ARHGEF38: variants seen among roughly 807,000 people sequenced by gnomAD.
The protein encoded by ARHGEF38 is Rho guanine nucleotide exchange factor (GEF) 38.
A neutral mutation model predicts 79.9 loss-of-function variants in ARHGEF38; 79 were observed. The observed-to-expected ratio is 0.99, with a 90% CI of 0.82 to 1.19. The LOEUF (loss-of-function observed/expected upper bound fraction) is 1.19, where lower values mean the gene tolerates loss of function less well. ARHGEF38 is among the 50% of genes most tolerant of loss of function. ARHGEF38 has a pLI of 0.00. For synonymous variants in ARHGEF38, 366 were observed against 328.3 expected (o/e 1.11, Z -1.24); for missense variants, 962 against 907.2 (o/e 1.06, Z -0.78).
intron 1 of ARHGEF38, among the ~76,000 whole-genome samples, chr4:105,561,899 T>C (rs1017204849): frequency 6.6e-6 from 1 of 151,178 alleles, no homozygotes; most frequent in Non-Finnish European, 1.5e-5. Flanking sequence ...AGTAAAAGAG[T>C]TTAGGGTTGG....
At chr4:105,645,730 G>A (rs967327079) in intron 6 of ARHGEF38, among the ~76,000 whole-genome samples, 7 of 152,172 alleles carry the variant, frequency 4.6e-5, no homozygotes, top group African/African-American at 1.2e-4. Context: ...AAATGGCCAC[G>A]TTGCAATAGC....
At chr4:105,664,788 C>A (rs181145074) in intron 10 of ARHGEF38, among the ~76,000 whole-genome samples, 1 of 152,224 alleles carries the variant, frequency 6.6e-6, no homozygotes, top group East Asian at 1.9e-4. Context: ...GGGGAGGGAG[C>A]AGTCATAGCA....
At chr4:105,600,355 T>C (rs902183313) in intron 2 of ARHGEF38, among the ~76,000 whole-genome samples, 16 of 152,174 alleles carry the variant, frequency 1.1e-4, no homozygotes, top group Admixed American at 6.6e-5. Context: ...AAGGAGGCAC[T>C]CACTTCCCTG....
At position 105,679,956 on chromosome 4, in the gene ARHGEF38, T is replaced by C. The variant is rs1731253722; in HGVS notation, c.*2019T>C. On this transcript the variant is annotated 3_prime_UTR_variant, in exon 14 of 14. Transcript: ENST00000420470. The stretch of plus-strand genomic sequence containing the variant: ...TGAAGCCTTTTAGTGTAATTTCTCT[T>C]TGTGACTGTGCAATGTCCCCATGTA... 7.4e-7 allele frequency: 1 copy of C among 1,357,130 alleles called. No homozygotes were observed. Among genetic ancestry groups the C allele is most frequent in the Admixed American group, 1.7e-5 (1 of 58,946 alleles). The allele number at this position is 1,357,130 out of a possible 1,614,324, so 84.1% of individuals were successfully genotyped here.
intron 1 of ARHGEF38, among the ~76,000 whole-genome samples, chr4:105,564,799 T>C (rs1403521934): frequency 2.0e-5 from 3 of 152,184 alleles, no homozygotes; most frequent in Non-Finnish European, 4.4e-5. Flanking sequence ...CTCTGTGAAA[T>C]ATTTGAAGAT....
chr4:105,643,093 T>C (rs11726715), intron 5 of ARHGEF38, among the ~76,000 whole-genome samples: 53,092 of 151,592 alleles, frequency 0.35, 12,938 homozygotes, highest in African/African-American at 0.69. Context: ...TTGCTACTGA[T>C]ACACCATCAG....
At chr4:105,584,153 A>G (rs1251732634) in intron 1 of ARHGEF38, among the ~76,000 whole-genome samples, 2 of 152,214 alleles carry the variant, frequency 1.3e-5, no homozygotes, top group Non-Finnish European at 2.9e-5. Flanking sequence ...CCCACTATAT[A>G]CTGTTATAGT....
chr4:105,662,222 T>C (rs1730589472), intron 10 of ARHGEF38, among the ~76,000 whole-genome samples: 2 of 152,192 alleles, frequency 1.3e-5, no homozygotes, highest in Non-Finnish European at 2.9e-5. Flanking sequence ...GAGTTAGTTG[T>C]TCATGTGTTT....
chr4:105,630,969 G>A lies in ARHGEF38; in HGVS notation c.580G>A (p.Ala194Thr). The A allele has an allele frequency of 6.2e-7, 1 of 1,613,730 alleles. No homozygotes were observed. The highest frequency in any genetic ancestry group is 8.5e-7 in the Non-Finnish European group (1 of 1,179,806). ...YKIYCYHHDE[A>T]HSILESYEKE... ...AATCTACTGCTATCACCATGATGAA[G>A]CACATAGTATACTGGAGTCCTATGA... The change falls in exon 4 of 14, where the codon GCA becomes ACA. Residue 194 changes from alanine to threonine, a missense_variant. By Grantham distance (58) the Ala-to-Thr change is moderately conservative (BLOSUM62 0). Coordinates refer to ENST00000420470, the MANE Select transcript of ARHGEF38 (RefSeq NM_001242729.2).
At chr4:105,618,708 G>C (rs1422347983) in intron 3 of ARHGEF38, among the ~76,000 whole-genome samples, 1 of 152,198 alleles carries the variant, frequency 6.6e-6, no homozygotes, top group African/African-American at 2.4e-5. Context: ...TCTACTGGTT[G>C]ATGCTATGTT....
chr4:105,659,165 A>C lies in ARHGEF38; in HGVS notation c.1345A>C (p.Ser449Arg). The stretch of plus-strand genomic sequence containing the variant: ...CTATGACAAACTGCTGGATTGCAAC[A>C]GCTACCTGCAGCGATCAACGGGAGA... The part of the protein sequence containing the change: ...KRYDKLLDCN[S>R]YLQRSTGEES... The change falls in exon 10 of 14, where the codon AGC (serine) becomes CGC (arginine). Residue 449 changes from serine (S) to arginine (R), a missense_variant. Transcript: ENST00000420470. 6.5e-7 allele frequency: 1 copy of C among 1,536,148 alleles called. No homozygotes were observed. Among genetic ancestry groups the C allele is most frequent in the Non-Finnish European group, 8.7e-7 (1 of 1,146,876 alleles).
chr4:105,666,422 T>G (rs1041720686), intron 11 of ARHGEF38, 102 bp downstream of exon 11: 11 of 1,224,848 alleles, frequency 9.0e-6, no homozygotes, highest in Non-Finnish European at 2.2e-6. Context: ...CATTCTAATA[T>G]CCTATAATTT....
chr4:105,571,959 T>C (rs910004536), intron 1 of ARHGEF38, among the ~76,000 whole-genome samples: 9 of 152,212 alleles, frequency 5.9e-5, no homozygotes, highest in Non-Finnish European at 1.2e-4. Context: ...TTGTACATGA[T>C]ATATAGTCAA....
intron 2 of ARHGEF38, among the ~76,000 whole-genome samples, chr4:105,596,133 A>G (rs756649010): frequency 3.9e-5 from 6 of 152,202 alleles, no homozygotes; most frequent in Non-Finnish European, 8.8e-5. Context: ...TACCTAGGTT[A>G]GCAGTGGGCT....
At chr4:105,638,294 A>C (rs2110528798) in intron 5 of ARHGEF38, among the ~76,000 whole-genome samples, 1 of 152,260 alleles carries the variant, frequency 6.6e-6, no homozygotes, top group South Asian at 2.1e-4. Flanking sequence ...TTTACTTTGA[A>C]TTATAACCTC....
intron 9 of ARHGEF38, among the ~76,000 whole-genome samples, chr4:105,658,387 G>A (rs1730423933): frequency 6.6e-6 from 1 of 152,104 alleles, no homozygotes; most frequent in Non-Finnish European, 1.5e-5. Context: ...GCGACAGAGT[G>A]AGACCCTGTC....
At chr4:105,674,836 T>C (rs1731065280) in intron 13 of ARHGEF38, among the ~76,000 whole-genome samples, 1 of 152,066 alleles carries the variant, frequency 6.6e-6, no homozygotes, top group Non-Finnish European at 1.5e-5. Flanking sequence ...TATATTTCGC[T>C]TGAGAGAATT....
At chr4:105,622,988 C>T (rs1418930211) in intron 3 of ARHGEF38, among the ~76,000 whole-genome samples, 8 of 152,112 alleles carry the variant, frequency 5.3e-5, no homozygotes, top group Non-Finnish European at 1.0e-4. Flanking sequence ...AAATTCTATG[C>T]CTTTGGAAGA....
In ARHGEF38 at chr4:105,589,255, G is replaced by T; in HGVS notation, c.204G>T (p.Met68Ile). Residue 68 changes from methionine to isoleucine, a missense_variant, in exon 2 of 14, where the codon ATG (methionine) becomes ATT (isoleucine). Physicochemically the swap from Met to Ile is conservative, Grantham distance 10. Transcript: ENST00000420470. ...TATGTTTTCATTTAACAGAAAAGAT[G>T]ACTCCACAGGGTGAGTGTTCTGTAG... ...TEYNQKLQEK[M>I]TPQGECSVAE... 1 of 1,606,230 alleles carries T rather than the reference G, an allele frequency of 6.2e-7. No individual in the cohort carries two copies. Among genetic ancestry groups the T allele is most frequent in the South Asian group, 1.1e-5 (1 of 89,168 alleles).
Sources: allele counts gnomAD v4.1 joint callset (sites outside exome capture counted in the v4.1 genomes callset), GRCh38; gene constraint gnomAD v4.1.1; transcripts MANE v1.5; gene names NCBI Gene and HGNC (gene_info 2026-07-23, HGNC 2026-07-21).